The following CPNE4 variants were observed in gnomAD, a reference collection of about 807,000 sequenced individuals.
The protein encoded by CPNE4 is copine-4.
CPNE4 carries 25 observed loss-of-function variants against 67.9 expected under a neutral mutation model. The observed-to-expected ratio is 0.37, with a 90% CI of 0.27 to 0.51. The LOEUF (loss-of-function observed/expected upper bound fraction) is 0.51, where lower values mean the gene tolerates loss of function less well. Ranked by LOEUF, CPNE4 falls within the 20% of genes least tolerant of loss-of-function variation. The pLI, the probability that CPNE4 is intolerant of heterozygous loss-of-function variation, is 0.93. For missense variants in CPNE4, 464 were observed against 690.8 expected (o/e 0.67, Z 3.68); for synonymous variants, 242 against 244.9 (o/e 0.99, Z 0.11).
chr3:131,678,474 T>G (rs1408501727), intron 6 of CPNE4, among the ~76,000 whole-genome samples: 4 of 152,156 alleles, frequency 2.6e-5, no homozygotes, highest in African/African-American at 7.2e-5. Flanking sequence ...AATATTATGT[T>G]GAATAGGAGT....
chr3:131,833,018 T>C (rs1187407866), intron 2 of CPNE4, among the ~76,000 whole-genome samples: 3 of 152,092 alleles, frequency 2.0e-5, no homozygotes, highest in Non-Finnish European at 4.4e-5. Flanking sequence ...AGAGCCCTCA[T>C]GAGTAGGATC....
At chr3:131,767,281 G>GTGTA (rs753384657) in intron 2 of CPNE4, among the ~76,000 whole-genome samples, 2 of 149,390 alleles carry the variant, frequency 1.3e-5, no homozygotes, top group East Asian at 3.9e-4. Flanking sequence ...GTGTGTGTGT[G>GTGTA]TACTGTATTT....
chr3:131,705,240 A>G (rs9883507), intron 3 of CPNE4, among the ~76,000 whole-genome samples: 127,355 of 152,066 alleles, frequency 0.84, 55,084 homozygotes, highest in Non-Finnish European at 0.96. Context: ...CTCACATTGT[A>G]TACCACTCCC....
chr3:131,864,275 G>C (rs1300953487), intron 2 of CPNE4, among the ~76,000 whole-genome samples: 4 of 151,558 alleles, frequency 2.6e-5, no homozygotes, highest in African/African-American at 9.7e-5. Context: ...GGATGGCATT[G>C]AATCTATAAA....
intron 1 of CPNE4, among the ~76,000 whole-genome samples, chr3:131,956,412 TTACTGA>T (rs1560676623): frequency 6.6e-6 from 1 of 152,178 alleles, no homozygotes; most frequent in Non-Finnish European, 1.5e-5. Context: ...GGATGTTGGT[TTACTGA>T]GGTTTTCTAT....
At chr3:131,850,608 C>A (rs2086203332) in intron 2 of CPNE4, among the ~76,000 whole-genome samples, 1 of 152,114 alleles carries the variant, frequency 6.6e-6, no homozygotes, top group South Asian at 2.1e-4. Flanking sequence ...AGGTATGTAA[C>A]TAAGATTGTT....
At chr3:131,627,303 C>G (rs1201391188) in intron 7 of CPNE4, among the ~76,000 whole-genome samples, 1 of 152,002 alleles carries the variant, frequency 6.6e-6, no homozygotes, top group Non-Finnish European at 1.5e-5. Flanking sequence ...ACAATCATAT[C>G]TGTTTATAGC....
chr3:131,997,925 C>A (rs1344242780), intron 1 of CPNE4, among the ~76,000 whole-genome samples: 1 of 152,074 alleles, frequency 6.6e-6, no homozygotes, highest in African/African-American at 2.4e-5. Context: ...CTTATAATTG[C>A]CTGCTTCCAT....
At chr3:131,952,634 C>T (rs1049288588) in intron 1 of CPNE4, among the ~76,000 whole-genome samples, 1 of 147,284 alleles carries the variant, frequency 6.8e-6, no homozygotes. Flanking sequence ...GTCAGCCCCC[C>T]TCCCGGCCAG....
chr3:131,631,588 C>G (rs1246236082), intron 7 of CPNE4, among the ~76,000 whole-genome samples: 1 of 152,078 alleles, frequency 6.6e-6, no homozygotes, highest in Non-Finnish European at 1.5e-5. Flanking sequence ...TACGGAAAAC[C>G]GGAAATTATT....
chr3:131,686,492 G>C (rs564458616), intron 5 of CPNE4, among the ~76,000 whole-genome samples: 1 of 152,290 alleles, frequency 6.6e-6, no homozygotes, highest in East Asian at 1.9e-4. Flanking sequence ...GTTTTTACAT[G>C]AGTCTTTAGC....
intron 2 of CPNE4, among the ~76,000 whole-genome samples, chr3:131,742,558 C>T (rs1466447057): frequency 6.6e-6 from 1 of 152,056 alleles, no homozygotes; most frequent in Admixed American, 6.6e-5. Flanking sequence ...TATGTAAACA[C>T]CCTCATTGAG....
At chr3:131,901,784 T>G (rs188331763) in intron 2 of CPNE4, among the ~76,000 whole-genome samples, 11 of 152,066 alleles carry the variant, frequency 7.2e-5, no homozygotes, top group Admixed American at 6.5e-4. Context: ...CCCAGAGGAG[T>G]GCTGGCTCCC....
intron 2 of CPNE4, among the ~76,000 whole-genome samples, chr3:131,843,043 C>T (rs1254605186): frequency 1.3e-5 from 2 of 152,164 alleles, no homozygotes; most frequent in Non-Finnish European, 2.9e-5. Flanking sequence ...TTGGGGCTGC[C>T]TTTATGATTA....
chr3:131,895,824 A>G (rs1263086447), intron 2 of CPNE4, among the ~76,000 whole-genome samples: 1 of 152,102 alleles, frequency 6.6e-6, no homozygotes, highest in East Asian at 1.9e-4. Context: ...TCAAGCTAAC[A>G]TTTGGTGAAT....
chr3:131,963,624 G>A (rs934399239), intron 1 of CPNE4, among the ~76,000 whole-genome samples: 2 of 152,186 alleles, frequency 1.3e-5, no homozygotes, highest in African/African-American at 4.8e-5. Flanking sequence ...CAAGCTGCCG[G>A]GAAGTTCGGC....
At chr3:131,932,765 G>A (rs1387449712) in intron 1 of CPNE4, among the ~76,000 whole-genome samples, 1 of 151,750 alleles carries the variant, frequency 6.6e-6, no homozygotes. Context: ...GCAGAATGAA[G>A]AGCATGCACT....
chr3:131,722,415 C>T (rs917749905), intron 3 of CPNE4, among the ~76,000 whole-genome samples: 6 of 151,748 alleles, frequency 4.0e-5, no homozygotes, highest in Non-Finnish European at 8.8e-5. Flanking sequence ...TTGATTCAGT[C>T]AGGGAAAGTG....
intron 1 of CPNE4, among the ~76,000 whole-genome samples, chr3:131,946,945 T>C (rs943183019): frequency 6.6e-6 from 1 of 152,190 alleles, no homozygotes; most frequent in South Asian, 2.1e-4. Context: ...CCAGCACCAT[T>C]TGTTGAAGAG....
Sources: gnomAD v4.1 joint callset for allele counts (sites outside exome capture counted in the v4.1 genomes callset) on GRCh38, gnomAD v4.1.1 for gene constraint, MANE v1.5 for transcripts, NCBI Gene and HGNC (gene_info 2026-07-23, HGNC 2026-07-21) for gene names.